Variants in VCPIP1 observed in about 807,000 individuals in gnomAD.
VCPIP1 encodes the protein valosin containing protein interacting protein 1, also known as deubiquitinating protein VCPIP1.
Under a neutral mutation model 85.0 loss-of-function variants are expected in VCPIP1, and 8 were observed. The observed-to-expected ratio is 0.09, with a 90% confidence interval of 0.06 to 0.17. VCPIP1 has a LOEUF of 0.17. Ranked by LOEUF, VCPIP1 falls within the 10% of genes least tolerant of loss-of-function variation. The probability of loss-of-function intolerance (pLI) is 1.00; values close to 1 mark genes in which losing one functional copy is unlikely to be tolerated. For synonymous variants in VCPIP1, 543 were observed against 544.5 expected, an observed-to-expected ratio of 1.00 and a Z score of 0.04; for missense variants, 1,070 against 1,486.3, an observed-to-expected ratio of 0.72 and a Z score of 4.61.
intron 2 of VCPIP1, among the ~76,000 whole-genome samples, chr8:66,647,532 G>T (rs1811009248): frequency 6.6e-6 from 1 of 152,004 alleles, no homozygotes; most frequent in Admixed American, 6.6e-5. Context: ...GGAGAAAGGA[G>T]AGACATATAG....
At position 66,634,613 on chromosome 8, in the gene VCPIP1, G is replaced by A. The variant is rs1357325950; in HGVS notation, c.3557C>T (p.Ala1186Val). The A allele has an allele frequency of 6.2e-7, 1 of 1,614,176 alleles. No individual in the cohort carries two copies. The highest frequency in any genetic ancestry group is 2.2e-5 in the East Asian group (1 of 44,892). ...DGCVADALGAAFATRSKAQRG... is the reference protein window; with the variant it reads ...DGCVADALGAVFATRSKAQRG... ...TTGTGCTTTTGACCTTGTGGCAAAG[G>A]CTGCTCCCAGTGCATCTGCTACACA... Residue 1186 changes from alanine to valine, a missense_variant, in exon 3 of 3, where the codon GCC becomes GTC. Around this residue, in one of 8 missense-constraint regions of VCPIP1, gnomAD observed 255 missense variants for 289.5 expected, o/e 0.88. Transcript: ENST00000310421.
In VCPIP1 at chr8:66,634,996, T is replaced by C; in HGVS notation, c.3174A>G (p.Thr1058=). ...TSVVRKHNTG[T]DFSNSSTKTE... Reference sequence around the variant, plus strand: ...TTTTAGTGGAACTATTACTAAAGTCTGTCCCTGTATTATGCTTTCTTACAA... The same window carrying C: ...TTTTAGTGGAACTATTACTAAAGTCCGTCCCTGTATTATGCTTTCTTACAA... The change falls in exon 3 of 3, where the codon ACA becomes ACG. Residue 1058 remains threonine (T), a synonymous_variant. Coordinates refer to ENST00000310421, the MANE Select transcript of VCPIP1 (RefSeq NM_025054.5). 6.2e-7 allele frequency: 1 copy of C among 1,613,570 alleles called. No individual in the cohort carries two copies. The highest frequency in any genetic ancestry group is 8.5e-7 in the Non-Finnish European group (1 of 1,179,538).
At position 66,630,317 on chromosome 8, in the gene VCPIP1, T is replaced by C. The variant is rs1810821815; in HGVS notation, c.*4184A>G. ...TTAAAGCACTTGCTATTTTTCTAAA[T>C]ATTTACACTATTACTGCTTATGTTT... is the stretch of plus-strand genomic sequence containing the variant. On this transcript the variant is annotated 3_prime_UTR_variant, in exon 3 of 3. Coordinates refer to ENST00000310421, the MANE Select transcript of VCPIP1 (RefSeq NM_025054.5). 6.6e-6 allele frequency: 1 copy of C among 152,330 alleles called. No individual in the cohort carries two copies. Among genetic ancestry groups the C allele is most frequent in the Non-Finnish European group, 1.5e-5 (1 of 68,026 alleles). The allele number at this position is 152,330 out of a possible 1,614,324, so 9.4% of individuals were successfully genotyped here.
chr8:66,643,398 C>T (rs1248392314), intron 2 of VCPIP1, among the ~76,000 whole-genome samples: 1 of 150,710 alleles, frequency 6.6e-6, no homozygotes, highest in Non-Finnish European at 1.5e-5. Flanking sequence ...CTTTAAATGC[C>T]TACATTAAAA....
Position 66,666,158 on chromosome 8 carries a change from C to G in VCPIP1, c.801G>C (p.Glu267Asp). ...GAGGGTCACACTCATTGATAATGTC[C>G]TCCCACTCAGCAGCATCAATGAAGT... is the stretch of plus-strand genomic sequence containing the variant. ...FHDFIDAAEWEDIINECDPLF... is the reference protein window; with the variant it reads ...FHDFIDAAEWDDIINECDPLF... Residue 267 changes from glutamate (E) to aspartate (D), a missense_variant, in exon 1 of 3, where the codon GAG becomes GAC. Physicochemically the swap from Glu to Asp is conservative, Grantham distance 45 (BLOSUM62 2). Coordinates refer to ENST00000310421, the MANE Select transcript of VCPIP1 (RefSeq NM_025054.5). The surrounding 1 kb of genome is among the most constrained non-coding windows in gnomAD (Gnocchi z 6.3). 1 of 1,614,172 alleles carries G rather than the reference C, an allele frequency of 6.2e-7. No homozygotes were observed. Among genetic ancestry groups the G allele is most frequent in the Non-Finnish European group, 8.5e-7 (1 of 1,180,024 alleles).
intron 2 of VCPIP1, among the ~76,000 whole-genome samples, chr8:66,637,086 T>C (rs1420825232): frequency 6.6e-6 from 1 of 152,086 alleles, no homozygotes. Context: ...CTCAGCACAT[T>C]GGGAGGCTGA....
At chr8:66,636,732 A>C (rs1291974492) in intron 2 of VCPIP1, among the ~76,000 whole-genome samples, 1 of 151,682 alleles carries the variant, frequency 6.6e-6, no homozygotes, top group African/African-American at 2.4e-5. Context: ...CAACAGAACA[A>C]GACTCCATCT....
Position 66,666,630 on chromosome 8 carries a change from G to T in VCPIP1, c.329C>A (p.Pro110His). The T allele has an allele frequency of 6.2e-7, 1 of 1,614,150 alleles. No homozygotes were observed. Among genetic ancestry groups the T allele is most frequent in the South Asian group, 1.1e-5 (1 of 91,078 alleles). Residue 110 changes from proline to histidine, a missense_variant, in exon 1 of 3, where the codon CCC (proline) becomes CAC (histidine). Transcript: ENST00000310421. This position sits in a 1 kb window ranked among gnomAD's most constrained non-coding sequence, Gnocchi z 6.3. ...CTTTACCAGTTCCGTGTTCTTCTTG[G>T]GTGCCCCCGTAACCCCGAGCAGCGC... ...RNALLGVTGA[P>H]KKNTELVKVM...
intron 1 of VCPIP1, among the ~76,000 whole-genome samples, chr8:66,654,861 C>T (rs949537545): frequency 2.0e-5 from 3 of 152,222 alleles, no homozygotes; most frequent in East Asian, 1.9e-4. Flanking sequence ...TCCCCAATGC[C>T]GTATGGCAAA....
chr8:66,628,687 A>C lies in VCPIP1; in HGVS notation c.*5814T>G, dbSNP rs1275472903. On this transcript the variant is annotated 3_prime_UTR_variant, in exon 3 of 3. Coordinates refer to ENST00000310421, the MANE Select transcript of VCPIP1 (RefSeq NM_025054.5). ...ATGTGACCAATGGCATGCATATACA[A>C]GACCTCAAGTCCAAGTTTGGGATAA... 6.6e-6 allele frequency: 1 copy of C among 152,238 alleles called. No homozygotes were observed. Among genetic ancestry groups the C allele is most frequent in the Non-Finnish European group, 1.5e-5 (1 of 68,038 alleles). 9.4% of individuals were successfully genotyped at this position (152,238 alleles called of 1,614,324 possible).
In VCPIP1 at chr8:66,666,510, C is replaced by T; in HGVS notation, c.449G>A (p.Arg150Gln). The T allele has an allele frequency of 6.2e-7, 1 of 1,614,156 alleles. No homozygotes were observed. The highest frequency in any genetic ancestry group is 8.5e-7 in the Non-Finnish European group (1 of 1,180,030). Reference sequence around the variant, plus strand: ...GAACAGTTCGCCCTGGTTCATGTCCCGGAGAAGCTTGGCCCGGCCTGTCTG... The same window carrying T: ...GAACAGTTCGCCCTGGTTCATGTCCTGGAGAAGCTTGGCCCGGCCTGTCTG... ...DKQTGRAKLLRDMNQGELFDC... is the reference protein window; with the variant it reads ...DKQTGRAKLLQDMNQGELFDC... The change falls in exon 1 of 3, where the codon CGG (arginine) becomes CAG (glutamine). Residue 150 changes from arginine to glutamine, a missense_variant. Around this residue, in one of 8 missense-constraint regions of VCPIP1, gnomAD observed 118 missense variants for 337.1 expected, o/e 0.35. Coordinates refer to ENST00000310421, the MANE Select transcript of VCPIP1 (RefSeq NM_025054.5). The surrounding 1 kb of genome is among the most constrained non-coding windows in gnomAD (Gnocchi z 6.3).
chr8:66,667,108 G>A lies in VCPIP1; in HGVS notation c.-150C>T. 2 of 1,394,520 alleles carry A rather than the reference G, an allele frequency of 1.4e-6. No individual in the cohort carries two copies. Among genetic ancestry groups the A allele is most frequent in the Non-Finnish European group, 1.9e-6 (2 of 1,075,366 alleles). 86.4% of individuals were successfully genotyped at this position (1,394,520 alleles called of 1,614,324 possible). A position where few individuals can be genotyped will look rare whatever the true frequency, so the allele number is the denominator to read the frequency against. ...GCTCTTCCTCCTCCTAAGCGAAGGC[G>A]GAAGCGCCGGACGTTGTTTCTCTTC... is the stretch of plus-strand genomic sequence containing the variant. On this transcript the variant is annotated 5_prime_UTR_variant, in exon 1 of 3. Transcript: ENST00000310421.
chr8:66,649,706 A>G (rs966261896), intron 2 of VCPIP1, among the ~76,000 whole-genome samples: 1 of 152,246 alleles, frequency 6.6e-6, no homozygotes, highest in Non-Finnish European at 1.5e-5. Flanking sequence ...AGAGTTGAAT[A>G]CAAAGAGGCA....
At chr8:66,639,910 T>G (rs985200043) in intron 2 of VCPIP1, among the ~76,000 whole-genome samples, 2 of 151,952 alleles carry the variant, frequency 1.3e-5, no homozygotes, top group Non-Finnish European at 2.9e-5. Context: ...TGAGAACATA[T>G]GGACACAAAG....
intron 2 of VCPIP1, among the ~76,000 whole-genome samples, chr8:66,650,953 G>A (rs1449173086): frequency 6.6e-6 from 1 of 150,532 alleles, no homozygotes; most frequent in Non-Finnish European, 1.5e-5. Context: ...GGGAGGCCAA[G>A]GCGGGCAGAT....
intron 1 of VCPIP1, among the ~76,000 whole-genome samples, chr8:66,661,551 C>T (rs1811157328): frequency 6.6e-6 from 1 of 151,802 alleles, no homozygotes; most frequent in South Asian, 2.1e-4. Flanking sequence ...CCAGCTAACA[C>T]GGTGAAACCC....
intron 1 of VCPIP1, among the ~76,000 whole-genome samples, chr8:66,658,795 A>G (rs959773250): frequency 6.6e-6 from 1 of 152,128 alleles, no homozygotes; most frequent in African/African-American, 2.4e-5. Flanking sequence ...CGATTCTGGA[A>G]AATTCTAAGG....
At chr8:66,658,018 G>A (rs1370944703) in intron 1 of VCPIP1, among the ~76,000 whole-genome samples, 2 of 152,142 alleles carry the variant, frequency 1.3e-5, no homozygotes, top group East Asian at 3.9e-4. Flanking sequence ...ATCAACAGAA[G>A]GGCTATCAGA....
rs1810861990 is a variant in VCPIP1 at position 66,634,256 on chromosome 8, T to C, written c.*245A>G. ...TACAAAGAACTTCCAATGAACCACATATATGGAAGAAAGTCATCTCAGCAG... is the reference window on the plus strand; with the variant it reads ...TACAAAGAACTTCCAATGAACCACACATATGGAAGAAAGTCATCTCAGCAG... On this transcript the variant is annotated 3_prime_UTR_variant, in exon 3 of 3. Transcript: ENST00000310421. 8.4e-6 allele frequency: 3 copies of C among 357,946 alleles called. No individual in the cohort carries two copies. Among genetic ancestry groups the C allele is most frequent in the Non-Finnish European group, 1.5e-5 (3 of 201,070 alleles). 22.2% of individuals were successfully genotyped at this position (357,946 alleles called of 1,614,324 possible). A position where few individuals can be genotyped will look rare whatever the true frequency, so the allele number is the denominator to read the frequency against.
Sources: allele counts gnomAD v4.1 joint callset (sites outside exome capture counted in the v4.1 genomes callset), GRCh38; gene constraint gnomAD v4.1.1; regional missense constraint gnomAD v4.1.1; non-coding constraint Gnocchi (gnomAD v3.1); transcripts MANE v1.5; gene names NCBI Gene and HGNC (gene_info 2026-07-23, HGNC 2026-07-21).